Variants in RPGRIP1L observed in about 807,000 individuals in gnomAD.
The protein encoded by RPGRIP1L is protein fantom.
Under a neutral mutation model 160.4 loss-of-function variants are expected in RPGRIP1L, and 131 were observed. That is an observed-to-expected ratio of 0.82 (90% CI 0.71 to 0.94). The LOEUF (loss-of-function observed/expected upper bound fraction) is 0.94. Ranked by LOEUF, RPGRIP1L falls within the 40% of genes least tolerant of loss-of-function variation. The pLI is 0.00. For synonymous variants in RPGRIP1L, 510 were observed against 515.8 expected (o/e 0.99, Z 0.15); for missense variants, 1,522 against 1,535.8 (o/e 0.99, Z 0.15).
At chr16:53,624,859 C>G (rs1315825134) in intron 22 of RPGRIP1L, among the ~76,000 whole-genome samples, 1 of 151,562 alleles carries the variant, frequency 6.6e-6, no homozygotes, top group African/African-American at 2.4e-5. Context: ...TCGCTGCAAC[C>G]TCCCTGCCTG....
intron 7 of RPGRIP1L, among the ~76,000 whole-genome samples, chr16:53,674,380 A>C (rs1415732093): frequency 1.3e-5 from 2 of 152,150 alleles, no homozygotes; most frequent in Non-Finnish European, 2.9e-5. Flanking sequence ...ATGCAGTGCC[A>C]ACAAATAGAA....
chr16:53,701,040 G>GA (rs543724691), intron 1 of RPGRIP1L, among the ~76,000 whole-genome samples: 12 of 152,006 alleles, frequency 7.9e-5, no homozygotes, highest in Non-Finnish European at 1.3e-4. Flanking sequence ...AGATATCTTG[G>GA]AAAAAACTCA....
chr16:53,690,306 C>T (rs1368907461), intron 4 of RPGRIP1L, among the ~76,000 whole-genome samples: 2 of 152,090 alleles, frequency 1.3e-5, no homozygotes, highest in East Asian at 1.9e-4. Flanking sequence ...AAGTGATTCT[C>T]CTGCCTCGGC....
At chr16:53,651,574 C>T (rs554618484) in intron 15 of RPGRIP1L, among the ~76,000 whole-genome samples, 1 of 152,272 alleles carries the variant, frequency 6.6e-6, no homozygotes, top group East Asian at 1.9e-4. Context: ...CAGGCTTGCT[C>T]CTCCCTCAGG....
intron 24 of RPGRIP1L, among the ~76,000 whole-genome samples, chr16:53,617,044 C>T (rs1964419607): frequency 7.8e-6 from 1 of 128,864 alleles, no homozygotes; most frequent in Non-Finnish European, 1.6e-5. Flanking sequence ...TGCACTCCAG[C>T]CTGGGCAATA....
rs753018793 is a variant in RPGRIP1L, at chr16:53,610,985, T to C, written c.3683A>G (p.Gln1228Arg). ...RDILKAILQK[Q>R]EMPNRSLRFT... The stretch of plus-strand genomic sequence containing the variant: ...AACATACCTTCTATTAGGCATCTCT[T>C]GTTTTTGTAGTATAGCTTTTAAGAT... Residue 1228 changes from glutamine (Q) to arginine (R), a missense_variant, in exon 25 of 27, where the codon CAA (glutamine) becomes CGA (arginine). Coordinates refer to ENST00000647211, the MANE Select transcript of RPGRIP1L (RefSeq NM_015272.5). The C allele has an allele frequency of 6.2e-7, 1 of 1,611,440 alleles. No individual in the cohort carries two copies. Among genetic ancestry groups the C allele is most frequent in the South Asian group, 1.1e-5 (1 of 91,022 alleles).
intron 9 of RPGRIP1L, among the ~76,000 whole-genome samples, chr16:53,670,608 A>G (rs1968635062): frequency 6.6e-6 from 1 of 152,186 alleles, no homozygotes; most frequent in Non-Finnish European, 1.5e-5. Context: ...GTAGATTAAG[A>G]AACAAAATTG....
At chr16:53,657,728 G>T (rs1967388947) in intron 12 of RPGRIP1L, 96 bp from the exon 13 acceptor site, 1 of 715,748 alleles carries the variant, frequency 1.4e-6, no homozygotes, top group African/African-American at 1.8e-5. Flanking sequence ...TTCATTGATT[G>T]ATCAATTTTC....
At chr16:53,700,842 T>C (rs1042744990) in intron 1 of RPGRIP1L, 112 bp from the exon 2 acceptor site, 12 of 772,998 alleles carry the variant, frequency 1.6e-5, no homozygotes, top group African/African-American at 3.4e-5. Context: ...GGGCATCTTA[T>C]TGTCCACATG....
chr16:53,697,335 CTCTCCCCACGG>C (rs1213366685), intron 2 of RPGRIP1L, among the ~76,000 whole-genome samples: 35 of 151,466 alleles, frequency 2.3e-4, no homozygotes, highest in Admixed American at 2.2e-3. Context: ...CTCCCTCTCC[CTCTCCCCACGG>C]TCTCCCTCTC....
At position 53,605,575 on chromosome 16, in the gene RPGRIP1L, C is replaced by A; in HGVS notation, c.3741G>T (p.Glu1247Asp). 1 of 1,614,062 alleles carries A rather than the reference C, an allele frequency of 6.2e-7. No homozygotes were observed. Among genetic ancestry groups the A allele is most frequent in the Non-Finnish European group, 8.5e-7 (1 of 1,179,940 alleles). ...FTVVSDPPED[E>D]QDLECEDIGV... is the part of the protein sequence containing the mutation. ...CAATGTCCTCACACTCCAGGTCCTG[C>A]TCGTCCTCTGGAGGGTCACTGACCA... Residue 1247 changes from glutamate (E) to aspartate (D), a missense_variant, in exon 26 of 27, where the codon GAG becomes GAT. Transcript: ENST00000647211.
At chr16:53,605,189 C>G (rs1027541611) in intron 26 of RPGRIP1L, among the ~76,000 whole-genome samples, 1 of 151,644 alleles carries the variant, frequency 6.6e-6, no homozygotes, top group Non-Finnish European at 1.5e-5. Context: ...AAAAAAAATC[C>G]AATGGCCAAC....
chr16:53,609,182 G>T (rs568535245), intron 25 of RPGRIP1L, among the ~76,000 whole-genome samples: 2 of 152,280 alleles, frequency 1.3e-5, no homozygotes, highest in South Asian at 2.1e-4. Context: ...TCGAACTCCT[G>T]GGCTCAAGCG....
chr16:53,678,394 GC>G (rs796191374), intron 6 of RPGRIP1L, among the ~76,000 whole-genome samples: 48 of 152,290 alleles, frequency 3.2e-4, no homozygotes, highest in Middle Eastern at 6.8e-3. Context: ...GCTACTGGGT[GC>G]CATAATAAAT....
intron 6 of RPGRIP1L, among the ~76,000 whole-genome samples, chr16:53,686,075 T>C (rs927495211): frequency 6.6e-6 from 1 of 152,202 alleles, no homozygotes; most frequent in Non-Finnish European, 1.5e-5. Flanking sequence ...GCTGGACTTA[T>C]GTACAAGATA....
At chr16:53,632,042 A>G (rs1488268053) in intron 22 of RPGRIP1L, among the ~76,000 whole-genome samples, 2 of 152,240 alleles carry the variant, frequency 1.3e-5, no homozygotes, top group African/African-American at 4.8e-5. Context: ...TGTAAATGAA[A>G]TGAAACAAAA....
intron 26 of RPGRIP1L, among the ~76,000 whole-genome samples, chr16:53,603,674 A>ATGTGTGTGTGTGTGTGTGTG (rs3035223): frequency 1.1e-4 from 17 of 147,956 alleles, no homozygotes; most frequent in African/African-American, 2.5e-4. Context: ...TTGAACTTTA[A>ATGTGTGTGTGTGTGTGTGTG]TGTGTGTGTG....
At chr16:53,696,041 C>A in intron 3 of RPGRIP1L, 110 bp downstream of exon 3, 3 of 1,077,196 alleles carry the variant, frequency 2.8e-6, no homozygotes, top group Non-Finnish European at 4.2e-6. Context: ...TTACATCCTG[C>A]CTTGTTCCAA....
chr16:53,686,264 C>G (rs977382852), intron 6 of RPGRIP1L, among the ~76,000 whole-genome samples, 169 bp downstream of exon 6: 4 of 152,140 alleles, frequency 2.6e-5, no homozygotes, highest in Non-Finnish European at 4.4e-5. Context: ...TGTCTTTAGA[C>G]TAGAGTTCTT....
Sources: gnomAD v4.1 joint callset for allele counts (sites outside exome capture counted in the v4.1 genomes callset) on GRCh38, gnomAD v4.1.1 for gene constraint, MANE v1.5 for transcripts, NCBI Gene and HGNC (gene_info 2026-07-23, HGNC 2026-07-21) for gene names.